The following PLSCR4 variants were observed in gnomAD, a reference collection of about 807,000 sequenced individuals.
The protein encoded by PLSCR4 is Ca(2+)-dependent phospholipid scramblase 4.
PLSCR4 carries 25 observed loss-of-function variants against 36.3 expected under a neutral mutation model. The observed-to-expected ratio is 0.69, with a 90% CI of 0.50 to 0.96. PLSCR4 has a LOEUF of 0.96. Ranked by LOEUF, PLSCR4 falls within the 40% of genes least tolerant of loss-of-function variation. The pLI is 0.00. For synonymous variants in PLSCR4, 122 were observed against 132.9 expected (o/e 0.92, Z 0.56); for missense variants, 408 against 414.7 (o/e 0.98, Z 0.14).
chr3:146,244,859 C>T (rs975495278), intron 1 of PLSCR4, among the ~76,000 whole-genome samples: 18 of 152,050 alleles, frequency 1.2e-4, no homozygotes, highest in Non-Finnish European at 4.4e-5. Flanking sequence ...CAAAGACAGG[C>T]CAAAAGCTAG....
At chr3:146,212,745 A>G (rs1693402455) in intron 3 of PLSCR4, among the ~76,000 whole-genome samples, 1 of 152,162 alleles carries the variant, frequency 6.6e-6, no homozygotes. Context: ...AACTTCCAGT[A>G]CAATGCTGAA....
At chr3:146,230,635 A>T (rs1394731654) in intron 1 of PLSCR4, among the ~76,000 whole-genome samples, 3 of 152,286 alleles carry the variant, frequency 2.0e-5, no homozygotes, top group Admixed American at 6.5e-5. Flanking sequence ...GAGGAGGAGC[A>T]GAAGAGGTGG....
intron 3 of PLSCR4, among the ~76,000 whole-genome samples, 165 bp downstream of exon 3, chr3:146,220,650 G>T (rs1196839914): frequency 6.6e-6 from 1 of 152,132 alleles, no homozygotes; most frequent in Non-Finnish European, 1.5e-5. Flanking sequence ...ATGGCTACAG[G>T]AATATATTCT....
intron 4 of PLSCR4, among the ~76,000 whole-genome samples, chr3:146,202,751 C>T (rs2034115767): frequency 2.0e-5 from 3 of 152,150 alleles, no homozygotes; most frequent in African/African-American, 7.2e-5. Flanking sequence ...ACTGCCACTG[C>T]TTTATCAATT....
At chr3:146,223,603 A>C (rs200818830) in intron 1 of PLSCR4, 1 of 152,044 alleles carries the variant, frequency 6.6e-6, no homozygotes, top group East Asian at 1.9e-4. Flanking sequence ...TTAGTGAGTC[A>C]TCAATATGGA....
At chr3:146,222,799 G>A (rs2035233382) in intron 1 of PLSCR4, among the ~76,000 whole-genome samples, 1 of 152,128 alleles carries the variant, frequency 6.6e-6, no homozygotes, top group African/African-American at 2.4e-5. Context: ...TACAATGAGA[G>A]CAAGAGTAGA....
At chr3:146,216,148 T>G (rs1017430063) in intron 3 of PLSCR4, among the ~76,000 whole-genome samples, 1 of 152,122 alleles carries the variant, frequency 6.6e-6, no homozygotes, top group Non-Finnish European at 1.5e-5. Context: ...GAGAATCATT[T>G]AGAACCCGGG....
chr3:146,195,286 G>T lies in PLSCR4; in HGVS notation c.787-4C>A. ...ATATGCCATCAAGGGATTTGACCTG[G>T]AATGACAAGAATGTGCCTTTATGAT... On this transcript the variant is annotated splice_polypyrimidine_tract_variant and splice_region_variant and intron_variant, in intron 7 of 8. Transcript: ENST00000354952. 6.2e-7 allele frequency: 1 copy of T among 1,610,470 alleles called. No homozygotes were observed. Among genetic ancestry groups the T allele is most frequent in the Non-Finnish European group, 8.5e-7 (1 of 1,176,944 alleles).
chr3:146,199,999 T>C lies in PLSCR4; in HGVS notation c.438A>G (p.Lys146=). 6.2e-7 allele frequency: 1 copy of C among 1,607,412 alleles called. No homozygotes were observed. The change falls in exon 6 of 9, where the codon AAA becomes AAG. Residue 146 remains lysine, a synonymous_variant. Coordinates refer to ENST00000354952, the MANE Select transcript of PLSCR4 (RefSeq NM_020353.3). ...TGTAAACCATCTGGTCTGAGTTGTT[T>C]TTAATATCATATCTATTATTAGTTT... ...CFETNNRYDI[K]NNSDQMVYIV... is the part of the protein sequence containing the mutation.
chr3:146,233,597 T>C (rs1054620506), intron 1 of PLSCR4, among the ~76,000 whole-genome samples: 1 of 152,162 alleles, frequency 6.6e-6, no homozygotes, highest in African/African-American at 2.4e-5. Flanking sequence ...TTCTTTAAGT[T>C]TTAGATATGA....
intron 3 of PLSCR4, among the ~76,000 whole-genome samples, chr3:146,210,273 C>G (rs189648815): frequency 6.6e-6 from 1 of 151,798 alleles, no homozygotes; most frequent in Non-Finnish European, 1.5e-5. Flanking sequence ...TATAGGGGTC[C>G]AACTGTGGAT....
intron 1 of PLSCR4, among the ~76,000 whole-genome samples, chr3:146,231,849 CTTTAG>C (rs1454662306): frequency 3.3e-5 from 5 of 152,108 alleles, no homozygotes; most frequent in African/African-American, 9.7e-5. Flanking sequence ...TGTAAAAGCT[CTTTAG>C]TTTAATTAGG....
intron 3 of PLSCR4, among the ~76,000 whole-genome samples, chr3:146,217,376 G>A (rs3804656): frequency 0.047 from 7,200 of 152,292 alleles, 199 homozygotes; most frequent in South Asian, 0.073. Flanking sequence ...GCATAGAGGA[G>A]GCTCACTACT....
At chr3:146,229,592 CATTT>C (rs202235802) in intron 1 of PLSCR4, among the ~76,000 whole-genome samples, 4,890 of 56,518 alleles carry the variant, frequency 0.087, 139 homozygotes, top group East Asian at 0.15. Flanking sequence ...TTTTATTTTT[CATTT>C]ATTTATTTAT....
At chr3:146,243,781 GAA>G (rs1057362713) in intron 1 of PLSCR4, among the ~76,000 whole-genome samples, 1 of 152,164 alleles carries the variant, frequency 6.6e-6, no homozygotes, top group Non-Finnish European at 1.5e-5. Flanking sequence ...GAAACATTCT[GAA>G]AAGTCATCCA....
At chr3:146,237,265 T>A (rs1191368317) in intron 1 of PLSCR4, among the ~76,000 whole-genome samples, 1 of 152,136 alleles carries the variant, frequency 6.6e-6, no homozygotes, top group Admixed American at 6.6e-5. Context: ...AAAATTAATC[T>A]ATCAGGAAGA....
chr3:146,197,424 T>G (rs889452624), intron 6 of PLSCR4, among the ~76,000 whole-genome samples: 1 of 152,158 alleles, frequency 6.6e-6, no homozygotes, highest in Admixed American at 6.6e-5. Context: ...GGAGTCTCAT[T>G]TCTTCTGACT....
In PLSCR4 at chr3:146,196,766, T is replaced by C; in HGVS notation, c.652A>G (p.Thr218Ala). ...CAATGTTCCGCAACAAAGCCAATGG[T>C]GACACCAGGAGGACACTGCACCTCC... ...ELEVQCPPGV[T>A]IGFVAEHWNL... The change falls in exon 7 of 9, where the codon ACC (threonine) becomes GCC (alanine). Residue 218 changes from threonine (T) to alanine (A), a missense_variant. Transcript: ENST00000354952. 1 of 1,613,878 alleles carries C rather than the reference T, an allele frequency of 6.2e-7. No homozygotes were observed.
At chr3:146,195,063 A>G in intron 8 of PLSCR4, 61 bp downstream of exon 8, 1 of 1,458,202 alleles carries the variant, frequency 6.9e-7, no homozygotes, top group Non-Finnish European at 9.6e-7. Flanking sequence ...ATACTACACT[A>G]TACTGCTTCT....
Sources: gnomAD v4.1 joint callset for allele counts (sites outside exome capture counted in the v4.1 genomes callset) on GRCh38, gnomAD v4.1.1 for gene constraint, MANE v1.5 for transcripts, NCBI Gene and HGNC (gene_info 2026-07-23, HGNC 2026-07-21) for gene names.